ASPG: variants seen among roughly 807,000 people sequenced by gnomAD.
The protein encoded by ASPG is 60 kDa lysophospholipase.
A neutral mutation model predicts 63.2 loss-of-function variants in ASPG; 53 were observed. That is an observed-to-expected ratio of 0.84 (90% CI 0.67 to 1.05). The LOEUF (loss-of-function observed/expected upper bound fraction) is 1.05, where lower values mean the gene tolerates loss of function less well. Among genes scored for constraint, ASPG ranks in the 50% least tolerant of loss-of-function variants. ASPG has a pLI of 0.00. For missense variants in ASPG, 741 were observed against 794.4 expected (o/e 0.93, Z 0.81); for synonymous variants, 370 against 355.0 (o/e 1.04, Z -0.48).
In ASPG at chr14:104,093,530, G is replaced by A. The variant is rs1463708147; in HGVS notation, c.231G>A (p.Leu77=). 6.2e-7 allele frequency: 1 copy of A among 1,612,898 alleles called. No individual in the cohort carries two copies. The highest frequency in any genetic ancestry group is 1.3e-5 in the African/African-American group (1 of 75,044). Residue 77 remains leucine (L), a synonymous_variant, in exon 3 of 16, where the codon CTG becomes CTA. Transcript: ENST00000551177. The part of the protein sequence containing the change: ...SRNQRILYTV[L]ECQPLFDSSD... The stretch of plus-strand genomic sequence containing the variant: ...ACCAGAGGATTCTCTACACCGTGCT[G>A]GAGTGCCAGCCCCTCTTCGACTCCA...
chr14:104,087,272 C>T (rs535305309), intron 1 of ASPG, among the ~76,000 whole-genome samples: 35 of 152,334 alleles, frequency 2.3e-4, no homozygotes, highest in Admixed American at 9.1e-4. Context: ...GCTTGGCAAA[C>T]GCCCCTGTGT....
intron 14 of ASPG, 99 bp downstream of exon 14, chr14:104,111,700 T>G (rs1011217587): frequency 1.1e-5 from 11 of 1,021,382 alleles, no homozygotes; most frequent in Non-Finnish European, 1.5e-5. Context: ...CTCCCCGCTC[T>G]GCCCCTCCCC....
rs1252198779 is a variant in ASPG at position 104,090,951 on chromosome 14, C to T, written c.83-1682C>T. On this transcript the variant is annotated intron_variant, in intron 1 of 15. Coordinates refer to ENST00000551177, the MANE Select transcript of ASPG (RefSeq NM_001080464.3). ...TGCGATCTTGGCTCACTGCAACCTC[C>T]GCCTGCCAGATTCAAGTGATTCTCC... Among the ~76,000 whole-genome samples the T allele has an allele frequency of 3.3e-5, 5 of 152,120 alleles. No homozygotes were observed. In the South Asian group the frequency reaches 8.3e-4, roughly 25 times the overall value.
intron 1 of ASPG, among the ~76,000 whole-genome samples, chr14:104,087,270 A>G (rs900312286): frequency 2.6e-5 from 4 of 152,198 alleles, no homozygotes; most frequent in Non-Finnish European, 5.9e-5. Context: ...CAGCTTGGCA[A>G]ACGCCCCTGT....
At chr14:104,086,359 C>T (rs548823172) in intron 1 of ASPG, among the ~76,000 whole-genome samples, 4 of 152,312 alleles carry the variant, frequency 2.6e-5, no homozygotes, top group African/African-American at 4.8e-5. Context: ...TCTGCGGGGA[C>T]GCACGTGTTC....
At chr14:104,104,764 C>T (rs2037046314) in intron 9 of ASPG, 29 bp downstream of exon 9, 1 of 1,543,316 alleles carries the variant, frequency 6.5e-7, no homozygotes, top group East Asian at 2.3e-5. Context: ...TGTGGGCAAC[C>T]CTCGGTGTGC....
At chr14:104,097,676 T>C (rs747639589) in intron 5 of ASPG, 39 bp downstream of exon 5, 2 of 1,541,520 alleles carry the variant, frequency 1.3e-6, no homozygotes, top group Non-Finnish European at 1.8e-6. Context: ...GCAGGTGGGG[T>C]GGGGGCAGGA....
At chr14:104,100,821 G>A (rs935859572) in intron 6 of ASPG, among the ~76,000 whole-genome samples, 26 of 152,174 alleles carry the variant, frequency 1.7e-4, no homozygotes, top group Non-Finnish European at 2.9e-5. Context: ...GCTGGCACTC[G>A]GCCCCTCCAG....
chr14:104,091,720 T>C lies in ASPG; in HGVS notation c.83-913T>C, dbSNP rs2036373097. 6.7e-6 allele frequency among the ~76,000 whole-genome samples: 1 copy of C among 149,610 alleles called. No homozygotes were observed. The highest frequency in any genetic ancestry group is 1.5e-5 in the Non-Finnish European group (1 of 67,758). ...TTGGGGTTAATTTGTGAGCCAGTGA[T>C]AGGCGATGGGTACAGCTGCAGAGGG... On this transcript the variant is annotated intron_variant, in intron 1 of 15. Coordinates refer to ENST00000551177, the MANE Select transcript of ASPG (RefSeq NM_001080464.3). The surrounding 1 kb of genome is among the most constrained non-coding windows in gnomAD (Gnocchi z 6.4).
intron 5 of ASPG, 74 bp downstream of exon 5, chr14:104,097,711 A>C: frequency 7.1e-7 from 1 of 1,415,792 alleles, no homozygotes; most frequent in Non-Finnish European, 9.7e-7. Flanking sequence ...CAGGAAACAA[A>C]GTCCCCCCAG....
At position 104,105,336 on chromosome 14, in the gene ASPG, C is replaced by T; in HGVS notation, c.1059C>T (p.Thr353=). The change falls in exon 10 of 16, where the codon ACC becomes ACT. Residue 353 remains threonine (T), a synonymous_variant. Transcript: ENST00000551177. ...TCTGTTCTCTCCACCAGCTGCTGAC[C>T]AAGGACCTTCGGGGGGAGATGACGC... The part of the protein sequence containing the change: ...LSLDVRKELL[T]KDLRGEMTPP... 1 of 1,612,654 alleles carries T rather than the reference C, an allele frequency of 6.2e-7. No homozygotes were observed.
Position 104,092,705 on chromosome 14 carries a change from G to A in ASPG, c.155G>A (p.Arg52Gln), listed in dbSNP as rs756566724. 1.3e-5 allele frequency: 20 copies of A among 1,537,388 alleles called. No homozygotes were observed. The highest frequency in any genetic ancestry group is 7.1e-5 in the South Asian group (6 of 84,016). ...ATGTTCCATGACGAGGAGCACGCCC[G>A]AGCCCGCGGCCTCTCTGAGGACACC... ...LPMFHDEEHA[R>Q]ARGLSEDTLV... is the part of the protein sequence containing the mutation. The change falls in exon 2 of 16, where the codon CGA becomes CAA. Residue 52 changes from arginine (R) to glutamine (Q), a missense_variant. Physicochemically the swap from Arg to Gln is conservative, Grantham distance 43 (BLOSUM62 1). Transcript: ENST00000551177.
chr14:104,095,166 C>A (rs1488349209), intron 3 of ASPG, among the ~76,000 whole-genome samples: 2 of 152,220 alleles, frequency 1.3e-5, no homozygotes, highest in Non-Finnish European at 2.9e-5. Flanking sequence ...TCTTGCCTGA[C>A]CCGCGGTCTG....
Position 104,099,639 on chromosome 14 carries a change from C to T in ASPG, c.640+660C>T, listed in dbSNP as rs538641488. On this transcript the variant is annotated intron_variant, in intron 6 of 15. Transcript: ENST00000551177. ...GAGCCCCTGCTTCCTGGACTCTACC[C>T]GGCCCCTGCCTGTTCCAGGTCCACG... 2.6e-3 allele frequency among the ~76,000 whole-genome samples: 392 copies of T among 152,346 alleles called. 1 individual carries two copies. Among genetic ancestry groups the T allele is most frequent in the Non-Finnish European group, 4.1e-3 (278 of 68,016 alleles).
rs1486771725 is a variant in ASPG at position 104,113,326 on chromosome 14, G to T, written c.*782G>T. On this transcript the variant is annotated 3_prime_UTR_variant, in exon 16 of 16. Coordinates refer to ENST00000551177, the MANE Select transcript of ASPG (RefSeq NM_001080464.3). ...GGAAGAGGTGAGCTGTGCCTGCCTGGTTGCACAGCCTGGGCAGGTGGGCGG... is the reference window on the plus strand; with the variant it reads ...GGAAGAGGTGAGCTGTGCCTGCCTGTTTGCACAGCCTGGGCAGGTGGGCGG... 6.9e-6 allele frequency: 1 copy of T among 145,302 alleles called. No homozygotes were observed. The highest frequency in any genetic ancestry group is 2.5e-5 in the African/African-American group (1 of 40,130). 9.0% of individuals were successfully genotyped at this position (145,302 alleles called of 1,614,324 possible). A position where few individuals can be genotyped will look rare whatever the true frequency, so the allele number is the denominator to read the frequency against.
Position 104,097,682 on chromosome 14 carries a change from C to CA in ASPG, c.513+46dup, listed in dbSNP as rs775704120. 18 of 1,531,628 alleles carry CA rather than the reference C, an allele frequency of 1.2e-5. 1 individual carries two copies. The South Asian group carries it at 2.0e-4, about 17-fold the overall frequency. 94.9% of individuals were successfully genotyped at this position (1,531,628 alleles called of 1,614,324 possible). ...GGAGGCGGGGCAGGTGGGGTGGGGGCAGGAGCCCAGACAGCAGCCAGGAAA... is the reference window on the plus strand; with the variant it reads ...GGAGGCGGGGCAGGTGGGGTGGGGGCAAGGAGCCCAGACAGCAGCCAGGAAA... On this transcript the variant is annotated intron_variant, in intron 5 of 15. Transcript: ENST00000551177.
intron 2 of ASPG, 89 bp downstream of exon 2, chr14:104,092,830 T>G (rs2036411516): frequency 8.9e-7 from 1 of 1,129,764 alleles, no homozygotes; most frequent in East Asian, 2.6e-5. Context: ...CAGGCCCACG[T>G]GAGCCATTTG....
chr14:104,108,559 G>A (rs1195945245), intron 12 of ASPG: 1 of 985,290 alleles, frequency 1.0e-6, no homozygotes, highest in East Asian at 1.1e-4. Flanking sequence ...GGGGGGATCT[G>A]TGGTGCTTTG....
intron 1 of ASPG, among the ~76,000 whole-genome samples, chr14:104,086,460 G>C (rs1596056797): frequency 6.6e-6 from 1 of 152,312 alleles, no homozygotes; most frequent in African/African-American, 2.4e-5. Flanking sequence ...ACTGAGTTCT[G>C]CCTGGGTGGG....
Sources: gnomAD v4.1 joint callset for allele counts (sites outside exome capture counted in the v4.1 genomes callset) on GRCh38, gnomAD v4.1.1 for gene constraint, Gnocchi (gnomAD v3.1) non-coding constraint, MANE v1.5 for transcripts, NCBI Gene and HGNC (gene_info 2026-07-23, HGNC 2026-07-21) for gene names.